CNTNAP4: variants seen among roughly 807,000 people sequenced by gnomAD.
CNTNAP4 encodes contactin-associated protein-like 4.
A neutral mutation model predicts 148.4 loss-of-function variants in CNTNAP4; 98 were observed. The observed-to-expected ratio is 0.66, with a 90% confidence interval of 0.56 to 0.78. CNTNAP4 has a LOEUF of 0.78. Ranked by LOEUF, CNTNAP4 falls within the 30% of genes least tolerant of loss-of-function variation. The probability of loss-of-function intolerance (pLI) is 0.00; values close to 1 mark genes in which losing one functional copy is unlikely to be tolerated. For synonymous variants in CNTNAP4, 730 were observed against 565.1 expected (o/e 1.29, Z -4.14); for missense variants, 1,935 against 1,565.6 (o/e 1.24, Z -3.98).
rs910707478 is a variant in CNTNAP4, at chr16:76,427,703, A to C, written c.538+104A>C. 7.6e-6 allele frequency: 8 copies of C among 1,047,260 alleles called. No individual in the cohort carries two copies. In the African/African-American group the frequency reaches 9.8e-5, roughly 13 times the overall value. The allele number at this position is 1,047,260 out of a possible 1,614,324, so 64.9% of individuals were successfully genotyped here. ...ACTTTTTAGCTACATAAAGAGGTAT[A>C]AAAAATAGGAATAATTTTTGTGGAA... is the stretch of plus-strand genomic sequence containing the variant. On this transcript the variant is annotated intron_variant, in intron 4 of 23. Coordinates refer to ENST00000611870, the MANE Select transcript of CNTNAP4 (RefSeq NM_033401.5).
chr16:76,506,177 C>A (rs2143957196), intron 15 of CNTNAP4, among the ~76,000 whole-genome samples: 1 of 96,736 alleles, frequency 1.0e-5, no homozygotes, highest in African/African-American at 2.6e-5. Flanking sequence ...AATCAGCCTG[C>A]CAAGAGCAGT....
chr16:76,292,454 C>G (rs931863899), intron 1 of CNTNAP4, among the ~76,000 whole-genome samples: 2 of 152,178 alleles, frequency 1.3e-5, no homozygotes, highest in Admixed American at 1.3e-4. Context: ...ATAGGCACAG[C>G]TGTCTCTCCA....
chr16:76,482,831 A>G (rs943912276), intron 12 of CNTNAP4, among the ~76,000 whole-genome samples: 24 of 152,190 alleles, frequency 1.6e-4, no homozygotes, highest in Non-Finnish European at 2.9e-5. Flanking sequence ...TGGAAATAAT[A>G]TCATCATGGA....
intron 1 of CNTNAP4, among the ~76,000 whole-genome samples, chr16:76,295,477 G>T (rs1959214739): frequency 6.6e-6 from 1 of 152,090 alleles, no homozygotes; most frequent in Admixed American, 6.6e-5. Context: ...GGAGGGTGAA[G>T]GATGGGAATG....
chr16:76,549,208 T>G (rs547446472), intron 21 of CNTNAP4, among the ~76,000 whole-genome samples: 1 of 152,264 alleles, frequency 6.6e-6, no homozygotes, highest in South Asian at 2.1e-4. Context: ...TTGCTTGCCT[T>G]ACAGAGGTCC....
intron 10 of CNTNAP4, among the ~76,000 whole-genome samples, chr16:76,473,360 T>A (rs980813018): frequency 6.6e-6 from 1 of 152,232 alleles, no homozygotes; most frequent in Non-Finnish European, 1.5e-5. Context: ...TTCTTTTTTA[T>A]TTTTTCCTGG....
At chr16:76,395,448 G>A (rs568697459) in intron 3 of CNTNAP4, among the ~76,000 whole-genome samples, 1 of 151,664 alleles carries the variant, frequency 6.6e-6, no homozygotes, top group Non-Finnish European at 1.5e-5. Flanking sequence ...TGTATTTTTA[G>A]TAGAGATGGG....
At chr16:76,443,369 T>C (rs1032897824) in intron 4 of CNTNAP4, among the ~76,000 whole-genome samples, 1 of 152,188 alleles carries the variant, frequency 6.6e-6, no homozygotes, top group Non-Finnish European at 1.5e-5. Flanking sequence ...TTCAACTATG[T>C]ACAAAAGATT....
At chr16:76,357,942 T>C (rs1314339130) in intron 3 of CNTNAP4, among the ~76,000 whole-genome samples, 2 of 152,122 alleles carry the variant, frequency 1.3e-5, no homozygotes, top group African/African-American at 4.8e-5. Flanking sequence ...CTTAAATAGG[T>C]GAAAGGACCA....
intron 3 of CNTNAP4, among the ~76,000 whole-genome samples, chr16:76,411,709 G>A (rs1411930779): frequency 1.3e-5 from 2 of 151,324 alleles, no homozygotes; most frequent in East Asian, 3.9e-4. Context: ...ATAAATACAT[G>A]CAAAATTTAA....
In CNTNAP4 at chr16:76,477,059, A is replaced by G. The variant is rs564314776; in HGVS notation, c.1762+1014A>G. 1.1e-4 allele frequency among the ~76,000 whole-genome samples: 17 copies of G among 152,210 alleles called. 1 individual carries two copies. In the South Asian group the frequency reaches 2.3e-3, roughly 20 times the overall value. ...ATGCTCACCCTAGTAGGTGAATACT[A>G]TTATATGCAACTTACTTATAAAGAA... is the stretch of plus-strand genomic sequence containing the variant. On this transcript the variant is annotated intron_variant, in intron 11 of 23. Transcript: ENST00000611870.
chr16:76,331,313 G>T (rs183131160), intron 2 of CNTNAP4, among the ~76,000 whole-genome samples: 1 of 151,638 alleles, frequency 6.6e-6, no homozygotes, highest in East Asian at 1.9e-4. Flanking sequence ...TCAGCCTCCC[G>T]AGTAGCTGGG....
chr16:76,361,121 C>T (rs1227622164), intron 3 of CNTNAP4, among the ~76,000 whole-genome samples: 1 of 151,948 alleles, frequency 6.6e-6, no homozygotes, highest in Non-Finnish European at 1.5e-5. Flanking sequence ...CCGCGCCCGG[C>T]CCATTTTTTA....
chr16:76,558,794 C>T lies in CNTNAP4; in HGVS notation c.*111C>T. 1.3e-6 allele frequency: 1 copy of T among 778,934 alleles called. No homozygotes were observed. The highest frequency in any genetic ancestry group is 2.0e-6 in the Non-Finnish European group (1 of 501,156). 48.3% of individuals were successfully genotyped at this position (778,934 alleles called of 1,614,324 possible). On this transcript the variant is annotated 3_prime_UTR_variant, in exon 24 of 24. Transcript: ENST00000611870. ...GAATGTACAGGCAGTGGGCTTGCAGCACTGCCATCTTGCCATGTACAGGCT... is the reference window on the plus strand; with the variant it reads ...GAATGTACAGGCAGTGGGCTTGCAGTACTGCCATCTTGCCATGTACAGGCT...
At position 76,559,601 on chromosome 16, in the gene CNTNAP4, G is replaced by T. The variant is rs1017604483; in HGVS notation, c.*918G>T. Among the ~76,000 whole-genome samples the T allele has an allele frequency of 2.6e-5, 4 of 151,932 alleles. No homozygotes were observed. The highest frequency in any genetic ancestry group is 5.9e-5 in the Non-Finnish European group (4 of 67,990). On this transcript the variant is annotated 3_prime_UTR_variant, in exon 24 of 24. Transcript: ENST00000611870. Reference sequence around the variant, plus strand: ...TACCTCAAATGAAATATACTTATGAGACTATTTTGCCCAAACCTAGATCAG... The same window carrying T: ...TACCTCAAATGAAATATACTTATGATACTATTTTGCCCAAACCTAGATCAG...
chr16:76,460,567 C>G (rs1389609017), intron 8 of CNTNAP4, among the ~76,000 whole-genome samples: 1 of 145,422 alleles, frequency 6.9e-6, no homozygotes, highest in Non-Finnish European at 1.5e-5. Context: ...CGAGACCATC[C>G]TGGCTAACAC....
chr16:76,338,054 T>G (rs2144319445), intron 2 of CNTNAP4, among the ~76,000 whole-genome samples: 2 of 152,254 alleles, frequency 1.3e-5, no homozygotes, highest in Non-Finnish European at 2.9e-5. Flanking sequence ...TGAGGTGACA[T>G]ACATCCTAAG....
At chr16:76,555,288 TTAA>T (rs1231643336) in intron 23 of CNTNAP4, among the ~76,000 whole-genome samples, 1 of 152,194 alleles carries the variant, frequency 6.6e-6, no homozygotes, top group Non-Finnish European at 1.5e-5. Context: ...GTTTCTCAAG[TTAA>T]TGATGTACAA....
intron 15 of CNTNAP4, among the ~76,000 whole-genome samples, chr16:76,511,408 T>C (rs1406740684): frequency 6.6e-6 from 1 of 152,158 alleles, no homozygotes; most frequent in Non-Finnish European, 1.5e-5. Flanking sequence ...ATGTAGGCAA[T>C]AAATAACTTT....
Sources: allele counts gnomAD v4.1 joint callset (sites outside exome capture counted in the v4.1 genomes callset), GRCh38; gene constraint gnomAD v4.1.1; transcripts MANE v1.5; gene names NCBI Gene and HGNC (gene_info 2026-07-23, HGNC 2026-07-21).